COBL: variants seen among roughly 807,000 people sequenced by gnomAD.
The protein encoded by COBL is cordon-bleu WH2 repeat protein, also known as protein cordon-bleu.
Under a neutral mutation model 98.8 loss-of-function variants are expected in COBL, and 51 were observed. That is an observed-to-expected ratio of 0.52 (90% confidence interval 0.41 to 0.65). COBL has a LOEUF of 0.65. Among genes scored for constraint, COBL ranks in the 30% least tolerant of loss-of-function variants. The pLI is 0.00. For synonymous variants in COBL, 634 were observed against 651.7 expected (o/e 0.97, Z 0.41); for missense variants, 1,617 against 1,617.5 (o/e 1.00, Z 0.01).
intron 6 of COBL, among the ~76,000 whole-genome samples, chr7:51,130,775 T>C (rs965999808): frequency 1.3e-5 from 2 of 152,218 alleles, no homozygotes; most frequent in Non-Finnish European, 2.9e-5. Context: ...CTGGTCAGCA[T>C]AGTTTTATCA....
At chr7:51,133,617 G>A (rs189394727) in intron 6 of COBL, among the ~76,000 whole-genome samples, 17 of 152,322 alleles carry the variant, frequency 1.1e-4, no homozygotes, top group African/African-American at 4.1e-4. Context: ...GAAATCCTGA[G>A]AGCATAAGGT....
intron 1 of COBL, among the ~76,000 whole-genome samples, chr7:51,275,093 C>T (rs1429318450): frequency 1.3e-5 from 2 of 152,124 alleles, no homozygotes; most frequent in African/African-American, 2.4e-5. Flanking sequence ...CTGAAGAGGA[C>T]GGGAGAGGCT....
At chr7:51,060,040 A>C (rs1051137378) in intron 7 of COBL, among the ~76,000 whole-genome samples, 1 of 152,056 alleles carries the variant, frequency 6.6e-6, no homozygotes, top group East Asian at 1.9e-4. Context: ...GCTCTGCCGG[A>C]TGCCTCCATG....
At chr7:51,131,995 T>G (rs1798790252) in intron 6 of COBL, among the ~76,000 whole-genome samples, 1 of 152,246 alleles carries the variant, frequency 6.6e-6, no homozygotes, top group South Asian at 2.1e-4. Flanking sequence ...GTTTGTAGTT[T>G]GTGGCTGAGA....
At chr7:51,174,170 T>C (rs959708771) in intron 5 of COBL, among the ~76,000 whole-genome samples, 1 of 152,212 alleles carries the variant, frequency 6.6e-6, no homozygotes, top group African/African-American at 2.4e-5. Context: ...GCAAGGACTT[T>C]GGAAAGACAG....
intron 2 of COBL, among the ~76,000 whole-genome samples, chr7:51,209,038 T>A (rs2129074468): frequency 9.8e-6 from 1 of 101,766 alleles, no homozygotes; most frequent in Non-Finnish European, 1.8e-5. Context: ...CACCCAAGAA[T>A]GATCAATTAA....
chr7:51,021,039 C>T (rs1000446774), intron 12 of COBL: 2 of 152,214 alleles, frequency 1.3e-5, no homozygotes, highest in Non-Finnish European at 2.9e-5. Flanking sequence ...AGCTGGGCAC[C>T]CTCATTGAAA....
chr7:51,037,958 T>G (rs897403114), intron 8 of COBL, among the ~76,000 whole-genome samples: 4 of 152,140 alleles, frequency 2.6e-5, no homozygotes, highest in African/African-American at 9.7e-5. Context: ...TTCAAGTGAT[T>G]CTCCTGCCTC....
At chr7:51,018,905 A>AAAAAATAT (rs1554345519) in intron 12 of COBL, among the ~76,000 whole-genome samples, 1 of 34,436 alleles carries the variant, frequency 2.9e-5, no homozygotes, top group African/African-American at 1.3e-4. Context: ...AAAAAAAAAA[A>AAAAAATAT]ATATATATAT....
At position 51,079,852 on chromosome 7, in the gene COBL, T is replaced by C. The variant is rs573016003; in HGVS notation, c.1096+5314A>G. Among the ~76,000 whole-genome samples, 14 of 152,348 alleles carry C rather than the reference T, an allele frequency of 9.2e-5. No homozygotes were observed. The East Asian group carries it at 2.3e-3, about 25-fold the overall frequency. On this transcript the variant is annotated intron_variant, in intron 7 of 12. Transcript: ENST00000265136. Reference sequence around the variant, plus strand: ...TCTTCTGAACTCTTGATACAAACCATGTATTTGTTCAAAAGAGTTCAGAAG... The same window carrying C: ...TCTTCTGAACTCTTGATACAAACCACGTATTTGTTCAAAAGAGTTCAGAAG...
intron 1 of COBL, among the ~76,000 whole-genome samples, chr7:51,230,359 T>C (rs184434472): frequency 4.6e-5 from 7 of 152,306 alleles, no homozygotes; most frequent in Non-Finnish European, 7.3e-5. Context: ...TTCTACCTCA[T>C]TGTCATCTCT....
chr7:51,055,586 T>C (rs1790665033), intron 7 of COBL, among the ~76,000 whole-genome samples: 1 of 152,184 alleles, frequency 6.6e-6, no homozygotes, highest in Admixed American at 6.5e-5. Context: ...AAATAGAGAT[T>C]GTCCAGACCC....
chr7:51,042,865 G>A (rs1035434299), intron 8 of COBL, among the ~76,000 whole-genome samples: 1 of 152,190 alleles, frequency 6.6e-6, no homozygotes, highest in African/African-American at 2.4e-5. Context: ...TGGCATCGGT[G>A]TGCAACAAGG....
intron 1 of COBL, among the ~76,000 whole-genome samples, chr7:51,280,458 C>T (rs1329006582): frequency 6.6e-6 from 1 of 152,214 alleles, no homozygotes; most frequent in Non-Finnish European, 1.5e-5. Context: ...ACTCTTCTCT[C>T]GGATCAGAGG....
At chr7:51,262,532 G>A (rs942123724) in intron 1 of COBL, among the ~76,000 whole-genome samples, 1 of 152,196 alleles carries the variant, frequency 6.6e-6, no homozygotes, top group Non-Finnish European at 1.5e-5. Context: ...GGTTAGGACA[G>A]CCTAGTAAGA....
chr7:51,115,613 CAT>C (rs1797206238), intron 6 of COBL, among the ~76,000 whole-genome samples: 1 of 152,090 alleles, frequency 6.6e-6, no homozygotes, highest in African/African-American at 2.4e-5. Flanking sequence ...TAATACTCCA[CAT>C]GATATAAATC....
intron 7 of COBL, chr7:51,072,116 A>T (rs1179510039): frequency 1.3e-5 from 2 of 151,244 alleles, no homozygotes; most frequent in Non-Finnish European, 2.9e-5. Flanking sequence ...CCAGGCAACA[A>T]TCCTACATGT....
chr7:51,110,213 G>A (rs1796700880), intron 6 of COBL, among the ~76,000 whole-genome samples: 2 of 151,848 alleles, frequency 1.3e-5, no homozygotes, highest in African/African-American at 2.4e-5. Context: ...TTATTCCTTC[G>A]ACCTAATTGA....
intron 7 of COBL, among the ~76,000 whole-genome samples, chr7:51,045,007 G>A (rs1447347915): frequency 6.6e-6 from 1 of 152,222 alleles, no homozygotes; most frequent in Non-Finnish European, 1.5e-5. Context: ...CGTACGAGGA[G>A]ATATGCTGAA....
Sources: allele counts gnomAD v4.1 joint callset (sites outside exome capture counted in the v4.1 genomes callset), GRCh38; gene constraint gnomAD v4.1.1; transcripts MANE v1.5; gene names NCBI Gene and HGNC (gene_info 2026-07-23, HGNC 2026-07-21).